WDR38: variants seen among roughly 807,000 people sequenced by gnomAD.
The protein encoded by WDR38 is WD repeat domain 38, also known as WD repeat-containing protein 38.
In WDR38, 37 loss-of-function variants were observed where a neutral mutation model predicts 36.6. The observed-to-expected ratio is 1.01, with a 90% CI of 0.78 to 1.33. WDR38 has a LOEUF of 1.33. Among genes scored for constraint, WDR38 ranks in the 40% most tolerant of loss-of-function variants. The pLI is 0.00. For missense variants in WDR38, 411 were observed against 414.6 expected (o/e 0.99, Z 0.07); for synonymous variants, 164 against 168.1 (o/e 0.98, Z 0.19).
rs1018326109 is a variant in WDR38, at chr9:124,857,551, T to G, written c.866T>G (p.Ile289Ser). The G allele has an allele frequency of 6.2e-7, 1 of 1,613,956 alleles. No homozygotes were observed. The highest frequency in any genetic ancestry group is 1.3e-5 in the African/African-American group (1 of 74,874). Residue 289 changes from isoleucine (I) to serine (S), a missense_variant, in exon 9 of 9, where the codon ATC (isoleucine) becomes AGC (serine). Transcript: ENST00000373574. ...HTCAFTPDGKILVSGAADQTR... is the reference protein window; with the variant it reads ...HTCAFTPDGKSLVSGAADQTR... The stretch of plus-strand genomic sequence containing the variant: ...TGTGCCTTCACCCCAGATGGGAAAA[T>G]CTTAGTGTCTGGAGCTGCCGATCAG...
intron 2 of WDR38, 53 bp from the exon 3 acceptor site, chr9:124,855,581 T>G: frequency 6.4e-7 from 1 of 1,552,986 alleles, no homozygotes; most frequent in Non-Finnish European, 8.8e-7. Context: ...TTGGACTGCG[T>G]GGGCAGAAGT....
intron 3 of WDR38, 43 bp from the exon 4 acceptor site, chr9:124,855,818 C>T (rs764750200): frequency 3.7e-6 from 6 of 1,613,748 alleles, no homozygotes; most frequent in Non-Finnish European, 5.1e-6. Flanking sequence ...TCCTGTGTCA[C>T]GTCACCTTTC....
Position 124,857,218 on chromosome 9 carries a change from T to C in WDR38, c.769-146T>C, listed in dbSNP as rs1044751369. 13 of 1,079,568 alleles carry C rather than the reference T, an allele frequency of 1.2e-5. No homozygotes were observed. In the African/African-American group the frequency reaches 1.2e-4, roughly 10 times the overall value. The allele number at this position is 1,079,568 out of a possible 1,614,324, so 66.9% of individuals were successfully genotyped here. A position where few individuals can be genotyped will look rare whatever the true frequency, so the allele number is the denominator to read the frequency against. ...GGCTCACACCTGTAATCCCAGCACTTTGGGAGGTGGAGGTAGGTGAATCAC... is the reference window on the plus strand; with the variant it reads ...GGCTCACACCTGTAATCCCAGCACTCTGGGAGGTGGAGGTAGGTGAATCAC... On this transcript the variant is annotated intron_variant, in intron 7 of 8. Transcript: ENST00000373574.
Position 124,853,551 on chromosome 9 carries a change from C to A in WDR38, c.20C>A (p.Ala7Asp). The A allele has an allele frequency of 8.0e-7, 1 of 1,249,530 alleles. No individual in the cohort carries two copies. The highest frequency in any genetic ancestry group is 1.0e-6 in the Non-Finnish European group (1 of 989,900). The allele number at this position is 1,249,530 out of a possible 1,614,324, so 77.4% of individuals were successfully genotyped here. MNSGVP[A>D]TLAVRRVKFF... ...GTGCCCATGAACAGCGGGGTCCCGG[C>A]CACGCTGGCCGTGCGGAGAGTGAAA... Residue 7 changes from alanine to aspartate, a missense_variant, in exon 1 of 9, where the codon GCC becomes GAC. Coordinates refer to ENST00000373574, the MANE Select transcript of WDR38 (RefSeq NM_001045476.3).
Position 124,857,378 on chromosome 9 carries a change from C to A in WDR38, c.783C>A (p.Asp261Glu), listed in dbSNP as rs759985135. 1.9e-6 allele frequency: 3 copies of A among 1,614,092 alleles called. No homozygotes were observed. Among genetic ancestry groups the A allele is most frequent in the South Asian group, 2.2e-5 (2 of 91,078 alleles). Reference protein sequence around the residue: ...AGYSRMVKVWDCNTGKCLETL... With the variant: ...AGYSRMVKVWECNTGKCLETL... ...TCCTTTTCCAGGTCAAAGTCTGGGA[C>A]TGCAACACAGGAAAGTGCCTTGAGA... Residue 261 changes from aspartate (D) to glutamate (E), a missense_variant, in exon 8 of 9, where the codon GAC (aspartate) becomes GAA (glutamate). Asp to Glu is a conservative substitution (Grantham distance 45). Transcript: ENST00000373574.
Position 124,853,530 on chromosome 9 carries a change from C to T in WDR38, c.-2C>T. 1 of 1,245,230 alleles carries T rather than the reference C, an allele frequency of 8.0e-7. No individual in the cohort carries two copies. The highest frequency in any genetic ancestry group is 4.2e-5 in the Admixed American group (1 of 23,754). The allele number at this position is 1,245,230 out of a possible 1,614,324, so 77.1% of individuals were successfully genotyped here. ...GCCGGGGCGGGGCGGGGCCGGGTGCCCATGAACAGCGGGGTCCCGGCCACG... is the reference window on the plus strand; with the variant it reads ...GCCGGGGCGGGGCGGGGCCGGGTGCTCATGAACAGCGGGGTCCCGGCCACG... On this transcript the variant is annotated 5_prime_UTR_variant, in exon 1 of 9. Coordinates refer to ENST00000373574, the MANE Select transcript of WDR38 (RefSeq NM_001045476.3).
intron 2 of WDR38, among the ~76,000 whole-genome samples, chr9:124,855,404 A>C (rs1829021116): frequency 6.6e-6 from 1 of 152,212 alleles, no homozygotes; most frequent in African/African-American, 2.4e-5. Context: ...AGTTTCTGGG[A>C]GGTCCCTACT....
intron 2 of WDR38, among the ~76,000 whole-genome samples, chr9:124,854,704 T>C (rs960906536): frequency 1.4e-4 from 21 of 152,126 alleles, no homozygotes; most frequent in African/African-American, 5.1e-4. Context: ...GCTGGAATTA[T>C]AGACACCTGC....
chr9:124,856,025 T>A (rs959893297), intron 4 of WDR38, 67 bp downstream of exon 4: 56 of 1,597,108 alleles, frequency 3.5e-5, no homozygotes, highest in Non-Finnish European at 4.7e-5. Context: ...ATGTCACCAG[T>A]CTTGCCCTCC....
rs767105255 is a variant in WDR38, at chr9:124,857,345, T to TG, written c.769-18dup. Reference sequence around the variant, plus strand: ...AGTGGCCTGGTGAGGCTTCCTGACATGCCCCCCTCCTTTTCCAGGTCAAAG... The same window carrying TG: ...AGTGGCCTGGTGAGGCTTCCTGACATGGCCCCCCTCCTTTTCCAGGTCAAAG... On this transcript the variant is annotated intron_variant, in intron 7 of 8. Coordinates refer to ENST00000373574, the MANE Select transcript of WDR38 (RefSeq NM_001045476.3). The TG allele has an allele frequency of 2.7e-6, 4 of 1,474,890 alleles. No individual in the cohort carries two copies. In the Admixed American group the frequency reaches 6.3e-5, roughly 23 times the overall value. The allele number at this position is 1,474,890 out of a possible 1,614,324, so 91.4% of individuals were successfully genotyped here.
chr9:124,857,345 T>C lies in WDR38; in HGVS notation c.769-19T>C, dbSNP rs761377721. ...AGTGGCCTGGTGAGGCTTCCTGACATGCCCCCCTCCTTTTCCAGGTCAAAG... is the reference window on the plus strand; with the variant it reads ...AGTGGCCTGGTGAGGCTTCCTGACACGCCCCCCTCCTTTTCCAGGTCAAAG... On this transcript the variant is annotated intron_variant, in intron 7 of 8. Transcript: ENST00000373574. The C allele has an allele frequency of 8.1e-6, 12 of 1,474,864 alleles. No homozygotes were observed. Among genetic ancestry groups the C allele is most frequent in the Non-Finnish European group, 9.0e-6 (10 of 1,109,508 alleles). The allele number at this position is 1,474,864 out of a possible 1,614,324, so 91.4% of individuals were successfully genotyped here. A position where few individuals can be genotyped will look rare whatever the true frequency, so the allele number is the denominator to read the frequency against.
intron 6 of WDR38, 41 bp downstream of exon 6, chr9:124,856,641 G>C (rs1209132018): frequency 6.2e-7 from 1 of 1,612,504 alleles, no homozygotes; most frequent in Non-Finnish European, 8.5e-7. Flanking sequence ...TCCCTTGCTG[G>C]CAGCCAGGCC....
Position 124,856,488 on chromosome 9 carries a change from C to T in WDR38, c.506C>T (p.Ser169Phe). The T allele has an allele frequency of 6.2e-7, 1 of 1,611,786 alleles. No homozygotes were observed. The highest frequency in any genetic ancestry group is 8.5e-7 in the Non-Finnish European group (1 of 1,179,068). The change falls in exon 6 of 9, where the codon TCC becomes TTC. Residue 169 changes from serine to phenylalanine, a missense_variant. Coordinates refer to ENST00000373574, the MANE Select transcript of WDR38 (RefSeq NM_001045476.3). ...CTGCAGGCCACCGGCTCCTGGGACTCCACCGTACACATCTGGGACCTGCGG... is the reference window on the plus strand; with the variant it reads ...CTGCAGGCCACCGGCTCCTGGGACTTCACCGTACACATCTGGGACCTGCGG... ...VNCLATGSWD[S>F]TVHIWDLRMV...
Position 124,857,679 on chromosome 9 carries a change from GCA to G in WDR38, c.*52_*53del, listed in dbSNP as rs761586186. 3.7e-6 allele frequency: 6 copies of G among 1,608,422 alleles called. No homozygotes were observed. The Admixed American group carries it at 6.7e-5, about 18-fold the overall frequency. On this transcript the variant is annotated 3_prime_UTR_variant, in exon 9 of 9. Coordinates refer to ENST00000373574, the MANE Select transcript of WDR38 (RefSeq NM_001045476.3). ...GACCTCACCCGCTCCCCTCAGTGGCGCACAGGCATGCCGCTTCTCCCCACAGA... is the reference window on the plus strand; with the variant it reads ...GACCTCACCCGCTCCCCTCAGTGGCGCAGGCATGCCGCTTCTCCCCACAGA...
intron 2 of WDR38, among the ~76,000 whole-genome samples, chr9:124,854,976 A>C (rs1023697251): frequency 2.6e-5 from 4 of 152,082 alleles, no homozygotes; most frequent in Non-Finnish European, 5.9e-5. Context: ...TCCCCACTAA[A>C]CAAGTCCCCA....
At chr9:124,857,286 C>G (rs576953466) in intron 7 of WDR38, 78 bp from the exon 8 acceptor site, 1 of 1,583,820 alleles carries the variant, frequency 6.3e-7, no homozygotes, top group African/African-American at 1.3e-5. Flanking sequence ...CATATTTTGT[C>G]TGGGACTTTC....
At chr9:124,856,029 G>A (rs1317334811) in intron 4 of WDR38, 71 bp downstream of exon 4, 62 of 1,591,254 alleles carry the variant, frequency 3.9e-5, no homozygotes, top group Non-Finnish European at 5.3e-5. Context: ...CACCAGTCTT[G>A]CCCTCCCAGC....
At chr9:124,855,567 A>G in intron 2 of WDR38, 67 bp from the exon 3 acceptor site, 2 of 1,482,908 alleles carry the variant, frequency 1.3e-6, no homozygotes, top group Admixed American at 1.8e-5. Context: ...GAAATTAGCA[A>G]GGATTGGACT....
chr9:124,855,451 GT>G (rs1829023856), intron 2 of WDR38, among the ~76,000 whole-genome samples, 182 bp from the exon 3 acceptor site: 1 of 152,224 alleles, frequency 6.6e-6, no homozygotes, highest in African/African-American at 2.4e-5. Context: ...GAGCACTGAG[GT>G]TGGGTGCTCC....
Sources: gnomAD v4.1 joint callset for allele counts (sites outside exome capture counted in the v4.1 genomes callset) on GRCh38, gnomAD v4.1.1 for gene constraint, MANE v1.5 for transcripts, NCBI Gene and HGNC (gene_info 2026-07-23, HGNC 2026-07-21) for gene names.